RGS17: variants seen among roughly 807,000 people sequenced by gnomAD.
RGS17 encodes regulator of G-protein signaling 17.
In RGS17, 12 loss-of-function variants were observed where a neutral mutation model predicts 25.5. The observed-to-expected ratio is 0.47, with a 90% CI of 0.30 to 0.76. RGS17 has a LOEUF of 0.76. Ranked by LOEUF, RGS17 falls within the 30% of genes least tolerant of loss-of-function variation. The probability of loss-of-function intolerance (pLI) is 0.07; values close to 1 mark genes in which losing one functional copy is unlikely to be tolerated. For missense variants in RGS17, 196 were observed against 242.2 expected (o/e 0.81, Z 1.27); for synonymous variants, 71 against 76.9 (o/e 0.92, Z 0.40).
At chr6:153,089,523 T>C (rs1302872070) in intron 1 of RGS17, among the ~76,000 whole-genome samples, 1 of 152,132 alleles carries the variant, frequency 6.6e-6, no homozygotes, top group Non-Finnish European at 1.5e-5. Context: ...GGAGACATGG[T>C]ACTTTAGTCT....
At chr6:153,070,772 T>C (rs1028430472) in intron 1 of RGS17, among the ~76,000 whole-genome samples, 33 of 151,482 alleles carry the variant, frequency 2.2e-4, no homozygotes, top group African/African-American at 3.4e-4. Context: ...TATATACATA[T>C]ACACATATAC....
intron 1 of RGS17, among the ~76,000 whole-genome samples, chr6:153,090,321 G>A (rs1572601): frequency 0.045 from 6,781 of 151,670 alleles, 285 homozygotes; most frequent in Admixed American, 0.13. Context: ...ATATTAAATC[G>A]AAAATTCCAG....
chr6:153,110,420 CAACA>C (rs1777449925), intron 1 of RGS17, among the ~76,000 whole-genome samples: 1 of 75,834 alleles, frequency 1.3e-5, no homozygotes, highest in African/African-American at 5.1e-5. Context: ...TCTTTACTGC[CAACA>C]TACACACACA....
At chr6:153,057,863 T>A (rs998644630) in intron 1 of RGS17, among the ~76,000 whole-genome samples, 1 of 152,064 alleles carries the variant, frequency 6.6e-6, no homozygotes, top group African/African-American at 2.4e-5. Flanking sequence ...ACAGGATTCA[T>A]GCTCCTATGG....
At chr6:153,120,536 G>T (rs900493922) in intron 1 of RGS17, among the ~76,000 whole-genome samples, 2 of 152,138 alleles carry the variant, frequency 1.3e-5, no homozygotes, top group Non-Finnish European at 2.9e-5. Context: ...CACCTGGACA[G>T]CTGAAATTGT....
chr6:153,089,574 G>C (rs1230662002), intron 1 of RGS17, among the ~76,000 whole-genome samples: 3 of 151,776 alleles, frequency 2.0e-5, no homozygotes, highest in Non-Finnish European at 4.4e-5. Context: ...AAGTAGATGT[G>C]TTCAAAAAGT....
At chr6:153,042,269 A>ATGG (rs1480794854) in intron 2 of RGS17, among the ~76,000 whole-genome samples, 1 of 152,224 alleles carries the variant, frequency 6.6e-6, no homozygotes, top group African/African-American at 2.4e-5. Context: ...TGTATATGAT[A>ATGG]TGGTTTGGCC....
At chr6:153,015,879 T>C in intron 4 of RGS17, among the ~76,000 whole-genome samples, 1 of 152,140 alleles carries the variant, frequency 6.6e-6, no homozygotes, top group East Asian at 1.9e-4. Context: ...GTTCTCAATC[T>C]CCTGACCTCG....
intron 2 of RGS17, among the ~76,000 whole-genome samples, chr6:153,038,941 C>T (rs763481646): frequency 6.6e-6 from 1 of 152,188 alleles, no homozygotes; most frequent in Non-Finnish European, 1.5e-5. Context: ...GGTCTGGAAA[C>T]TCTGGGAACT....
At chr6:153,063,156 GAC>G (rs2129115352) in intron 1 of RGS17, among the ~76,000 whole-genome samples, 1 of 152,244 alleles carries the variant, frequency 6.6e-6, no homozygotes, top group East Asian at 1.9e-4. Flanking sequence ...TTAATGCCCA[GAC>G]ACAGACAAAC....
At chr6:153,034,538 A>G (rs1776215213) in intron 2 of RGS17, among the ~76,000 whole-genome samples, 1 of 152,214 alleles carries the variant, frequency 6.6e-6, no homozygotes, top group African/African-American at 2.4e-5. Context: ...AGGATTACGC[A>G]GGGATTTGTG....
intron 2 of RGS17, among the ~76,000 whole-genome samples, chr6:153,035,081 C>T (rs1387203404): frequency 6.6e-6 from 1 of 151,154 alleles, no homozygotes; most frequent in African/African-American, 2.4e-5. Context: ...TTGAACCTGG[C>T]AGGCAGAGGT....
intron 1 of RGS17, among the ~76,000 whole-genome samples, chr6:153,075,537 G>A (rs978537229): frequency 2.0e-5 from 3 of 152,118 alleles, no homozygotes; most frequent in Non-Finnish European, 2.9e-5. Flanking sequence ...TCACTGGCAC[G>A]GACTGCTGCA....
chr6:153,012,001 G>A (rs1041634773), intron 4 of RGS17, among the ~76,000 whole-genome samples: 3 of 152,086 alleles, frequency 2.0e-5, no homozygotes, highest in Admixed American at 2.0e-4. Flanking sequence ...AGATGTCTTT[G>A]CTTACTTGGT....
At chr6:153,042,034 A>G (rs1776328557) in intron 2 of RGS17, among the ~76,000 whole-genome samples, 1 of 152,232 alleles carries the variant, frequency 6.6e-6, no homozygotes, top group Non-Finnish European at 1.5e-5. Context: ...GGTCACACAG[A>G]TAGAGATGGG....
chr6:153,104,056 A>G (rs918443076), intron 1 of RGS17, among the ~76,000 whole-genome samples: 1 of 152,240 alleles, frequency 6.6e-6, no homozygotes, highest in Non-Finnish European at 1.5e-5. Context: ...TGATATTTCA[A>G]TCAGTTGTGA....
intron 2 of RGS17, among the ~76,000 whole-genome samples, chr6:153,039,215 A>T (rs2129109540): frequency 6.6e-6 from 1 of 152,326 alleles, no homozygotes; most frequent in Non-Finnish European, 1.5e-5. Flanking sequence ...CTTGCATCTC[A>T]GTTCCACCTC....
At chr6:153,118,350 A>G (rs918103494) in intron 1 of RGS17, among the ~76,000 whole-genome samples, 1 of 152,252 alleles carries the variant, frequency 6.6e-6, no homozygotes. Flanking sequence ...GCAAACCTGC[A>G]TCTTCAGCAG....
intron 1 of RGS17, among the ~76,000 whole-genome samples, chr6:153,071,141 C>A (rs978475724): frequency 6.7e-6 from 1 of 149,544 alleles, no homozygotes; most frequent in Non-Finnish European, 1.5e-5. Context: ...TGTATATGTA[C>A]ATATGTGTAT....
Sources: allele counts gnomAD v4.1 joint callset (sites outside exome capture counted in the v4.1 genomes callset), GRCh38; gene constraint gnomAD v4.1.1; transcripts MANE v1.5; gene names NCBI Gene and HGNC (gene_info 2026-07-23, HGNC 2026-07-21).